The following CCT4 variants were observed in gnomAD, a reference collection of about 807,000 sequenced individuals.
The protein encoded by CCT4 is T-complex protein 1 subunit delta.
CCT4 carries 17 observed loss-of-function variants against 62.5 expected under a neutral mutation model. The observed-to-expected ratio is 0.27, with a 90% confidence interval of 0.19 to 0.41. The LOEUF (loss-of-function observed/expected upper bound fraction) is 0.41. CCT4 is among the 10% of genes least tolerant of loss of function. The probability of loss-of-function intolerance (pLI) is 1.00; values close to 1 mark genes in which losing one functional copy is unlikely to be tolerated. For missense variants in CCT4, 592 were observed against 659.2 expected (o/e 0.90, Z 1.12); for synonymous variants, 250 against 229.9 (o/e 1.09, Z -0.79).
chr2:61,887,289 T>A (rs551295403), intron 1 of CCT4, among the ~76,000 whole-genome samples: 1 of 152,320 alleles, frequency 6.6e-6, no homozygotes, highest in East Asian at 1.9e-4. Flanking sequence ...CATTCCCAGT[T>A]ACTTGGGCTG....
chr2:61,874,736 C>T (rs191368583), intron 8 of CCT4, among the ~76,000 whole-genome samples: 3 of 152,322 alleles, frequency 2.0e-5, no homozygotes, highest in African/African-American at 7.2e-5. Context: ...TTGCATAGAC[C>T]TTTAAATAAA....
chr2:61,875,349 C>A (rs564583985), intron 8 of CCT4, among the ~76,000 whole-genome samples: 1 of 151,934 alleles, frequency 6.6e-6, no homozygotes, highest in South Asian at 2.1e-4. Flanking sequence ...GAGGCTGAGG[C>A]GGGTGGATCA....
intron 2 of CCT4, 52 bp downstream of exon 2, chr2:61,884,968 T>C (rs1252228885): frequency 9.9e-6 from 14 of 1,415,900 alleles, no homozygotes; most frequent in African/African-American, 1.4e-5. Flanking sequence ...CAAGATCTTG[T>C]AGTGTGAACA....
At chr2:61,872,928 A>T in intron 10 of CCT4, 74 bp downstream of exon 10, 1 of 916,286 alleles carries the variant, frequency 1.1e-6, no homozygotes, top group Non-Finnish European at 1.8e-6. Context: ...CTCCGTCTCA[A>T]AAAAAGAAAA....
rs555747094 is a variant in CCT4, at chr2:61,870,865, G to A, written c.1491+1217C>T. On this transcript the variant is annotated intron_variant, in intron 12 of 13. Coordinates refer to ENST00000394440, the MANE Select transcript of CCT4 (RefSeq NM_006430.4). The stretch of plus-strand genomic sequence containing the variant: ...ACTTGGGAGGAGGAGGTTGCAGTGA[G>A]CTGACAGTGCTACTGCACTGCAGCC... Among the ~76,000 whole-genome samples the A allele has an allele frequency of 7.9e-5, 12 of 152,138 alleles. No individual in the cohort carries two copies. In the South Asian group the frequency reaches 2.3e-3, roughly 29 times the overall value.
chr2:61,874,860 T>C (rs1009052286), intron 8 of CCT4, among the ~76,000 whole-genome samples: 9 of 151,792 alleles, frequency 5.9e-5, no homozygotes, highest in South Asian at 2.1e-4. Flanking sequence ...AAAGGGAAGA[T>C]AGGGCCGGGC....
chr2:61,884,372 C>T (rs778263438), intron 2 of CCT4, among the ~76,000 whole-genome samples: 78 of 152,090 alleles, frequency 5.1e-4, no homozygotes, highest in African/African-American at 1.8e-3. Context: ...TGCGCGATCT[C>T]GGCTCACTGC....
intron 1 of CCT4, among the ~76,000 whole-genome samples, chr2:61,887,558 TCTCTA>T (rs1243718602): frequency 1.3e-5 from 2 of 152,234 alleles, no homozygotes; most frequent in Non-Finnish European, 2.9e-5. Context: ...TCGGGCAAGA[TCTCTA>T]AACCTCTGTC....
At chr2:61,876,680 T>C (rs1270763970) in intron 7 of CCT4, among the ~76,000 whole-genome samples, 1 of 152,160 alleles carries the variant, frequency 6.6e-6, no homozygotes, top group Non-Finnish European at 1.5e-5. Flanking sequence ...TGCTTCAATT[T>C]CCCAAGGAGC....
chr2:61,881,010 CCACCAT>C (rs991036671), intron 3 of CCT4, among the ~76,000 whole-genome samples: 1 of 152,136 alleles, frequency 6.6e-6, no homozygotes, highest in Non-Finnish European at 1.5e-5. Context: ...CAGGCATGAA[CCACCAT>C]TCCCAGCCTC....
At chr2:61,872,975 A>G (rs1448482089) in intron 10 of CCT4, 27 bp downstream of exon 10, 1 of 1,295,734 alleles carries the variant, frequency 7.7e-7, no homozygotes, top group African/African-American at 1.5e-5. Context: ...ACCTAAGCAA[A>G]TAAAAATTTA....
intron 8 of CCT4, among the ~76,000 whole-genome samples, chr2:61,873,728 G>T (rs1668935235): frequency 6.6e-6 from 1 of 152,040 alleles, no homozygotes; most frequent in Non-Finnish European, 1.5e-5. Context: ...ACCACACCTG[G>T]CTAATTTTTG....
intron 5 of CCT4, 150 bp from the exon 6 acceptor site, chr2:61,877,664 A>G (rs945456097): frequency 1.9e-6 from 1 of 534,256 alleles, no homozygotes. Context: ...GACAGTCCAT[A>G]AAGTGTCTTT....
chr2:61,887,057 C>T (rs1236653027), intron 1 of CCT4, among the ~76,000 whole-genome samples: 1 of 152,148 alleles, frequency 6.6e-6, no homozygotes, highest in African/African-American at 2.4e-5. Context: ...CCCTGCCCGA[C>T]CCAAAATTTA....
intron 3 of CCT4, 26 bp downstream of exon 3, chr2:61,883,433 A>AC: frequency 8.5e-7 from 1 of 1,170,640 alleles, no homozygotes. Context: ...AAAAAAAAAA[A>AC]AAGACTCACC....
intron 13 of CCT4, 130 bp downstream of exon 13, chr2:61,869,310 T>G: frequency 3.2e-6 from 2 of 618,210 alleles, no homozygotes; most frequent in South Asian, 1.9e-5. Flanking sequence ...TGCTCCAGCC[T>G]GGGCAACAGA....
At chr2:61,888,296 G>C in intron 1 of CCT4, 85 bp downstream of exon 1, 2 of 1,485,452 alleles carry the variant, frequency 1.3e-6, no homozygotes, top group East Asian at 2.4e-5. Context: ...GAAGAAATGG[G>C]AAATGAGCCA....
At chr2:61,879,155 T>C (rs964298433) in intron 4 of CCT4, 144 bp from the exon 5 acceptor site, 6 of 590,756 alleles carry the variant, frequency 1.0e-5, no homozygotes, top group Non-Finnish European at 1.8e-5. Context: ...TGTAATATAG[T>C]GGCTTGAATA....
In CCT4 at chr2:61,876,275, T is replaced by C; in HGVS notation, c.778-41A>G. 2.0e-6 allele frequency: 3 copies of C among 1,489,804 alleles called. No individual in the cohort carries two copies. In the South Asian group the frequency reaches 3.9e-5, roughly 20 times the overall value. The allele number at this position is 1,489,804 out of a possible 1,614,324, so 92.3% of individuals were successfully genotyped here. A position where few individuals can be genotyped will look rare whatever the true frequency, so the allele number is the denominator to read the frequency against. On this transcript the variant is annotated intron_variant, in intron 7 of 13. Coordinates refer to ENST00000394440, the MANE Select transcript of CCT4 (RefSeq NM_006430.4). ...ACATCATAATTTGCATTGTAAGATA[T>C]TTTAAGTTTAAAAGTAGAATTTTAA...
Sources: allele counts gnomAD v4.1 joint callset (sites outside exome capture counted in the v4.1 genomes callset), GRCh38; gene constraint gnomAD v4.1.1; transcripts MANE v1.5; gene names NCBI Gene and HGNC (gene_info 2026-07-23, HGNC 2026-07-21).